The following RBFOX1 variants were observed in gnomAD, a reference collection of about 807,000 sequenced individuals.
RBFOX1 encodes the protein RNA binding protein fox-1 homolog 1.
Under a neutral mutation model 57.7 loss-of-function variants are expected in RBFOX1, and 8 were observed. The ratio of observed to expected loss-of-function variants is 0.14; its 90% CI spans 0.08 to 0.25. The LOEUF (loss-of-function observed/expected upper bound fraction) is 0.25, where lower values mean the gene tolerates loss of function less well. Ranked by LOEUF, RBFOX1 falls within the 10% of genes least tolerant of loss-of-function variation. RBFOX1 has a pLI of 1.00. For missense variants in RBFOX1, 611 were observed against 548.5 expected (o/e 1.11, Z -1.14); for synonymous variants, 326 against 222.4 (o/e 1.47, Z -4.15).
At chr16:6,198,881 C>T (rs1392304553) in intron 1 of RBFOX1, among the ~76,000 whole-genome samples, 1 of 151,864 alleles carries the variant, frequency 6.6e-6, no homozygotes, top group Non-Finnish European at 1.5e-5. Context: ...GAAACTAAAC[C>T]TTCTCTAAAC....
Position 5,629,418 on chromosome 16 carries a change from G to A in RBFOX1, c.318+30457G>A, listed in dbSNP as rs148319127. Among the ~76,000 whole-genome samples the A allele has an allele frequency of 1.7e-4, 26 of 152,336 alleles. No individual in the cohort carries two copies. The East Asian group carries it at 4.6e-3, about 27-fold the overall frequency. On this transcript the variant is annotated intron_variant, in intron 3 of 19. Transcript: ENST00000641259. ...ACTGCCAGTGGTATAAATCCTTTGT[G>A]TCTTCAGGACATTGGCTACCAGTTT... is the stretch of plus-strand genomic sequence containing the variant.
chr16:6,731,131 G>T (rs982006775), intron 3 of RBFOX1, among the ~76,000 whole-genome samples: 2 of 152,096 alleles, frequency 1.3e-5, no homozygotes, highest in Non-Finnish European at 2.9e-5. Flanking sequence ...TGAATTAGAA[G>T]ATGAATACAG....
At position 7,688,275 on chromosome 16, in the gene RBFOX1, G is replaced by GAC. The variant is rs1178885863; in HGVS notation, c.995+11438_995+11439insCA. On this transcript the variant is annotated intron_variant, in intron 14 of 15. Transcript: ENST00000550418. Reference sequence around the variant, plus strand: ...TGTGTGTGTGTGAGAGAGAGAGAGAGAGAGAGAGATTCAATATTCATAGCA... The same window carrying GAC: ...TGTGTGTGTGTGAGAGAGAGAGAGAGACAGAGAGAGATTCAATATTCATAGCA... Among the ~76,000 whole-genome samples the GAC allele has an allele frequency of 2.6e-5, 4 of 151,032 alleles. No homozygotes were observed. In the East Asian group the frequency reaches 5.9e-4, roughly 22 times the overall value.
intron 2 of RBFOX1, among the ~76,000 whole-genome samples, chr16:6,548,095 T>A (rs2096920837): frequency 6.6e-6 from 1 of 152,242 alleles, no homozygotes; most frequent in Admixed American, 6.5e-5. Context: ...CTTTGAAGGA[T>A]ACACATATTT....
rs777939421 is a variant in RBFOX1 at position 7,333,106 on chromosome 16, C to A, written c.28-185041C>A. The stretch of plus-strand genomic sequence containing the variant: ...TGATTCAGGTAATTCAAGGCCTCTG[C>A]CAGCCAGCAACTTAACTCCAGAGTG... On this transcript the variant is annotated intron_variant, in intron 4 of 15. Transcript: ENST00000550418. 2 of 1,606,516 alleles carry A rather than the reference C, an allele frequency of 1.2e-6. No individual in the cohort carries two copies. The highest frequency in any genetic ancestry group is 3.3e-5 in the Admixed American group (2 of 59,968).
At chr16:6,490,434 G>A (rs966215901) in intron 2 of RBFOX1, among the ~76,000 whole-genome samples, 12 of 152,096 alleles carry the variant, frequency 7.9e-5, no homozygotes, top group Admixed American at 2.0e-4. Flanking sequence ...CTCACATCTC[G>A]AATACAAGCC....
intron 2 of RBFOX1, among the ~76,000 whole-genome samples, chr16:5,566,117 C>T (rs752134833): frequency 8.5e-5 from 13 of 152,082 alleles, no homozygotes; most frequent in Non-Finnish European, 1.6e-4. Flanking sequence ...ACTGGGAGTC[C>T]ATTAAACCTT....
chr16:6,961,539 A>G (rs1385586751), intron 3 of RBFOX1, among the ~76,000 whole-genome samples: 2 of 152,360 alleles, frequency 1.3e-5, no homozygotes, highest in African/African-American at 4.8e-5. Flanking sequence ...AAGCAAGTTT[A>G]TTAGACGAGC....
At chr16:5,628,004 A>T (rs2048394399) in intron 3 of RBFOX1, among the ~76,000 whole-genome samples, 1 of 152,228 alleles carries the variant, frequency 6.6e-6, no homozygotes, top group African/African-American at 2.4e-5. Flanking sequence ...AGGTATTGTC[A>T]GGCCTCTTCT....
intron 3 of RBFOX1, among the ~76,000 whole-genome samples, chr16:6,779,947 TTA>T (rs1188580797): frequency 3.7e-5 from 1 of 26,752 alleles, no homozygotes; most frequent in Non-Finnish European, 5.8e-5. Context: ...TTATATATAT[TTA>T]TATATTTATA....
At chr16:6,633,530 G>C (rs2098406997) in intron 2 of RBFOX1, among the ~76,000 whole-genome samples, 1 of 152,114 alleles carries the variant, frequency 6.6e-6, no homozygotes, top group South Asian at 2.1e-4. Flanking sequence ...CTGGCCTCAA[G>C]TGATCCCCCC....
At chr16:7,403,864 A>G (rs2098286807) in intron 4 of RBFOX1, among the ~76,000 whole-genome samples, 1 of 151,392 alleles carries the variant, frequency 6.6e-6, no homozygotes, top group African/African-American at 2.4e-5. Flanking sequence ...TTCTTAATAG[A>G]TGAATAATAT....
chr16:7,305,359 C>G (rs2096154076), intron 4 of RBFOX1, among the ~76,000 whole-genome samples: 1 of 152,028 alleles, frequency 6.6e-6, no homozygotes, highest in African/African-American at 2.4e-5. Flanking sequence ...TCAGCACTGC[C>G]CTTGTAGGGT....
chr16:6,481,007 C>T (rs141349803), intron 2 of RBFOX1, among the ~76,000 whole-genome samples: 4 of 152,176 alleles, frequency 2.6e-5, no homozygotes, highest in African/African-American at 4.8e-5. Context: ...CCAAACATAT[C>T]CACAAATGTA....
At chr16:7,104,560 G>C (rs568966465) in intron 4 of RBFOX1, among the ~76,000 whole-genome samples, 1 of 152,246 alleles carries the variant, frequency 6.6e-6, no homozygotes, top group African/African-American at 2.4e-5. Context: ...TTATGATAAA[G>C]GTGGGCTGAA....
At chr16:6,657,051 T>C (rs71392488) in intron 3 of RBFOX1, among the ~76,000 whole-genome samples, 3 of 93,800 alleles carry the variant, frequency 3.2e-5, no homozygotes, top group Non-Finnish European at 6.2e-5. Flanking sequence ...TCCTCTCCTC[T>C]CCTCCCCTTT....
intron 4 of RBFOX1, among the ~76,000 whole-genome samples, chr16:7,265,695 T>G (rs765212133): frequency 4.5e-4 from 68 of 152,330 alleles, no homozygotes; most frequent in African/African-American, 1.5e-3. Flanking sequence ...GTGATCCGCC[T>G]GCCTTAGCCT....
intron 4 of RBFOX1, among the ~76,000 whole-genome samples, chr16:6,008,606 A>G (rs557128815): frequency 6.6e-6 from 1 of 152,288 alleles, no homozygotes; most frequent in East Asian, 1.9e-4. Context: ...GAGCTTCAGC[A>G]TGTGTATATC....
intron 1 of RBFOX1, among the ~76,000 whole-genome samples, chr16:6,244,941 GT>G (rs1334757864): frequency 6.6e-6 from 1 of 151,708 alleles, no homozygotes; most frequent in South Asian, 2.1e-4. Flanking sequence ...GTTTTGTTTT[GT>G]TTTGTTTTGT....
Sources: gnomAD v4.1 joint callset for allele counts (sites outside exome capture counted in the v4.1 genomes callset) on GRCh38, gnomAD v4.1.1 for gene constraint, MANE v1.5 for transcripts, NCBI Gene and HGNC (gene_info 2026-07-23, HGNC 2026-07-21) for gene names.